RBFOX2: variants seen among roughly 807,000 people sequenced by gnomAD.
RBFOX2 encodes the protein RNA binding protein fox-1 homolog 2.
Under a neutral mutation model 49.1 loss-of-function variants are expected in RBFOX2, and 10 were observed. The ratio of observed to expected loss-of-function variants is 0.20; its 90% CI spans 0.13 to 0.35. The LOEUF (loss-of-function observed/expected upper bound fraction) is 0.35. RBFOX2 is among the 10% of genes least tolerant of loss of function. The pLI, the probability that RBFOX2 is intolerant of heterozygous loss-of-function variation, is 1.00. For missense variants in RBFOX2, 323 were observed against 486.9 expected, an observed-to-expected ratio of 0.66 and a Z score of 3.17; for synonymous variants, 183 against 187.4, an observed-to-expected ratio of 0.98 and a Z score of 0.19.
chr22:35,929,069 T>C (rs1042479887), intron 1 of RBFOX2, among the ~76,000 whole-genome samples: 3 of 152,152 alleles, frequency 2.0e-5, no homozygotes, highest in Non-Finnish European at 4.4e-5. Context: ...AATTGAACTA[T>C]GATTGCACCA....
intron 1 of RBFOX2, chr22:35,897,427 T>C (rs1314778544): frequency 3.5e-6 from 3 of 868,904 alleles, no homozygotes; most frequent in African/African-American, 1.6e-5. Context: ...ATGTCTGTGA[T>C]GTGAATACGC....
chr22:36,008,222 T>C (rs542928333), intron 1 of RBFOX2, among the ~76,000 whole-genome samples: 16 of 152,306 alleles, frequency 1.1e-4, no homozygotes, highest in African/African-American at 3.8e-4. Context: ...AGTTGTTCCA[T>C]AAACCTTCCC....
rs991091825 is a variant in RBFOX2, at chr22:35,945,493, T to C, written c.43-6596A>G. ...CACTGTCGCCCAGGCTGGACTGGAGTGCAGTGGCATGAACATGGCTCATTG... is the reference window on the plus strand; with the variant it reads ...CACTGTCGCCCAGGCTGGACTGGAGCGCAGTGGCATGAACATGGCTCATTG... On this transcript the variant is annotated intron_variant, in intron 1 of 5. Coordinates refer to the RBFOX2 transcript ENST00000408983. 2.0e-5 allele frequency among the ~76,000 whole-genome samples: 3 copies of C among 152,024 alleles called. No individual in the cohort carries two copies. The East Asian group carries it at 5.8e-4, about 29-fold the overall frequency.
chr22:35,942,463 T>A (rs538720377), upstream of RBFOX2, among the ~76,000 whole-genome samples: 1 of 152,164 alleles, frequency 6.6e-6, no homozygotes, highest in East Asian at 1.9e-4. Context: ...TTTGCCTTAG[T>A]GAAAAACTAG....
chr22:35,872,102 G>C (rs531024871), intron 1 of RBFOX2, among the ~76,000 whole-genome samples: 3 of 152,208 alleles, frequency 2.0e-5, no homozygotes, highest in Admixed American at 2.0e-4. Flanking sequence ...TGCTGCCTTT[G>C]AAGAGTTTAC....
chr22:35,863,852 T>C (rs780803088), intron 1 of RBFOX2, among the ~76,000 whole-genome samples: 4 of 152,222 alleles, frequency 2.6e-5, no homozygotes, highest in South Asian at 2.1e-4. Context: ...AGCTCTGATA[T>C]GGAACTTCCC....
At chr22:35,958,692 T>C (rs2055862424) in intron 1 of RBFOX2, among the ~76,000 whole-genome samples, 1 of 152,210 alleles carries the variant, frequency 6.6e-6, no homozygotes, top group Non-Finnish European at 1.5e-5. Context: ...AATTCTTGCT[T>C]GGAACCAATC....
rs1346520365 is a variant in RBFOX2, at chr22:35,874,509, G to A, written c.-34+64338C>T. On this transcript the variant is annotated intron_variant, in intron 1 of 13. Transcript: ENST00000359369. Reference sequence around the variant, plus strand: ...AGAAAAAGAAGGATGGTCAAAAACAGAAAGGAAATTTGACATAACAATCTT... The same window carrying A: ...AGAAAAAGAAGGATGGTCAAAAACAAAAAGGAAATTTGACATAACAATCTT... 2.6e-5 allele frequency among the ~76,000 whole-genome samples: 4 copies of A among 152,054 alleles called. No individual in the cohort carries two copies. The South Asian group carries it at 6.2e-4, about 24-fold the overall frequency.
upstream of RBFOX2, chr22:35,961,706 T>C: frequency 7.7e-7 from 1 of 1,299,410 alleles, no homozygotes; most frequent in Non-Finnish European, 1.0e-6. Context: ...CCCTATTGGC[T>C]TCATGGAGCA....
At chr22:35,761,530 C>A in intron 6 of RBFOX2, 62 bp from the exon 8 acceptor site, 4 of 1,575,110 alleles carry the variant, frequency 2.5e-6, no homozygotes, top group Non-Finnish European at 3.5e-6. Context: ...ATGATCAGTG[C>A]ATGTCAAGTT....
rs972955824 is a variant in RBFOX2 at position 35,949,754 on chromosome 22, T to C, written c.43-10857A>G. Among the ~76,000 whole-genome samples the C allele has an allele frequency of 6.6e-5, 10 of 152,230 alleles. 1 individual carries two copies. In the South Asian group the frequency reaches 1.0e-3, roughly 16 times the overall value. ...TTCAAGTCCCCTGCCCATTTTATAA[T>C]TGGGCCATTTGCTTTTTTGTTGTTG... is the stretch of plus-strand genomic sequence containing the variant. On this transcript the variant is annotated intron_variant, in intron 1 of 5. Coordinates refer to the RBFOX2 transcript ENST00000408983.
intron 1 of RBFOX2, among the ~76,000 whole-genome samples, chr22:35,970,734 G>C (rs2056825962): frequency 6.6e-6 from 1 of 152,108 alleles, no homozygotes; most frequent in East Asian, 1.9e-4. Context: ...AGTATGAAGA[G>C]GTCAAAACAA....
At chr22:35,910,011 A>T (rs5755988) in intron 1 of RBFOX2, among the ~76,000 whole-genome samples, 11,877 of 152,298 alleles carry the variant, frequency 0.078, 489 homozygotes, top group South Asian at 0.086. Flanking sequence ...TGACAATCAT[A>T]AATATTTACT....
At position 35,744,561 on chromosome 22, in the gene RBFOX2, G is replaced by T. The variant is rs200918299; in HGVS notation, c.1050-312C>A. On this transcript the variant is annotated intron_variant, in intron 11 of 11. Transcript: ENST00000405409. ...TGAAAACAAGTTCCGCAAAGAGTTT[G>T]ATTTTTAAAAGCACAGGTTTTTGTT... Among the ~76,000 whole-genome samples, 6 of 152,324 alleles carry T rather than the reference G, an allele frequency of 3.9e-5. No individual in the cohort carries two copies. In the East Asian group the frequency reaches 9.6e-4, roughly 24 times the overall value.
intron 9 of RBFOX2, chr22:35,747,180 G>A (rs1569214482): frequency 6.6e-6 from 1 of 152,230 alleles, no homozygotes; most frequent in African/African-American, 2.4e-5. Flanking sequence ...GTTTTTGAAA[G>A]TACTTGTGAC....
intron 1 of RBFOX2, 128 bp downstream of exon 2, chr22:35,938,719 C>T: frequency 3.7e-6 from 3 of 819,846 alleles, no homozygotes; most frequent in South Asian, 3.3e-5. Context: ...AAAGTAAATT[C>T]ACTGCTGAAA....
chr22:35,817,020 C>A (rs192682894), intron 1 of RBFOX2, among the ~76,000 whole-genome samples: 3 of 152,180 alleles, frequency 2.0e-5, no homozygotes, highest in Non-Finnish European at 4.4e-5. Flanking sequence ...TGGAACAGGA[C>A]CCTGGTACTT....
intron 2 of RBFOX2, among the ~76,000 whole-genome samples, chr22:35,805,289 CA>C (rs748086413): frequency 0.047 from 1,801 of 37,932 alleles, 16 homozygotes; most frequent in African/African-American, 0.12. Context: ...GACTCCGTCT[CA>C]AAAAAAAAAA....
chr22:36,024,841 CTT>C (rs779787429), intron 1 of RBFOX2, among the ~76,000 whole-genome samples: 39 of 152,116 alleles, frequency 2.6e-4, no homozygotes, highest in Non-Finnish European at 4.9e-4. Flanking sequence ...GATTTTCGCT[CTT>C]GTTGCCCAGC....
Sources: gnomAD v4.1 joint callset for allele counts (sites outside exome capture counted in the v4.1 genomes callset) on GRCh38, gnomAD v4.1.1 for gene constraint, MANE v1.5 for transcripts, NCBI Gene and HGNC (gene_info 2026-07-23, HGNC 2026-07-21) for gene names.